MEIS2: variants seen among roughly 807,000 people sequenced by gnomAD.
MEIS2 encodes the protein Meis homeobox 2, also known as homeobox protein Meis2.
In MEIS2, 9 loss-of-function variants were observed where a neutral mutation model predicts 58.6. The observed-to-expected ratio is 0.15, with a 90% CI of 0.09 to 0.27. The LOEUF is 0.27. MEIS2 is among the 10% of genes least tolerant of loss of function. The pLI, the probability that MEIS2 is intolerant of heterozygous loss-of-function variation, is 1.00. For synonymous variants in MEIS2, 221 were observed against 228.4 expected, an observed-to-expected ratio of 0.97 and a Z score of 0.29; for missense variants, 427 against 635.0, an observed-to-expected ratio of 0.67 and a Z score of 3.52.
intron 8 of MEIS2, among the ~76,000 whole-genome samples, chr15:37,023,048 G>A (rs2061578329): frequency 6.6e-6 from 1 of 152,126 alleles, no homozygotes; most frequent in Admixed American, 6.5e-5. Flanking sequence ...ATTTTTGCTA[G>A]TTTAGTGTTT....
intron 8 of MEIS2, among the ~76,000 whole-genome samples, chr15:36,999,200 A>C (rs1440262527): frequency 7.9e-5 from 12 of 152,194 alleles, no homozygotes; most frequent in Non-Finnish European, 5.9e-5. Context: ...CATTATGCTC[A>C]CAAGGACATT....
chr15:37,013,616 CAT>C (rs894285046), intron 8 of MEIS2, among the ~76,000 whole-genome samples: 11 of 147,504 alleles, frequency 7.5e-5, no homozygotes, highest in African/African-American at 2.5e-4. Flanking sequence ...TAATATATTA[CAT>C]ATATATATAA....
At chr15:36,953,697 A>T (rs2058845753) in intron 8 of MEIS2, among the ~76,000 whole-genome samples, 1 of 152,228 alleles carries the variant, frequency 6.6e-6, no homozygotes, top group South Asian at 2.1e-4. Flanking sequence ...ATCAACTGAC[A>T]ACTGTTCAAA....
intron 3 of MEIS2, chr15:37,096,085 C>T: frequency 1.8e-6 from 1 of 553,994 alleles, no homozygotes; most frequent in Non-Finnish European, 3.1e-6. Flanking sequence ...TGTATTCCTG[C>T]TGGGGGGGAA....
chr15:37,032,921 T>G (rs2054440202), intron 8 of MEIS2, among the ~76,000 whole-genome samples: 1 of 152,168 alleles, frequency 6.6e-6, no homozygotes, highest in Non-Finnish European at 1.5e-5. Flanking sequence ...AAATGCCACT[T>G]TGGACTTTGT....
intron 9 of MEIS2, among the ~76,000 whole-genome samples, chr15:36,929,327 T>C (rs2057875869): frequency 6.6e-6 from 1 of 152,152 alleles, no homozygotes; most frequent in Non-Finnish European, 1.5e-5. Flanking sequence ...CCAATAAATA[T>C]CAGCTCTGGC....
chr15:36,930,202 TAA>T (rs370695754), intron 9 of MEIS2, among the ~76,000 whole-genome samples: 14 of 94,314 alleles, frequency 1.5e-4, no homozygotes, highest in Non-Finnish European at 1.5e-4. Context: ...GACTCAGTCT[TAA>T]AAAAAAAAAA....
chr15:36,934,476 G>A (rs567330676), intron 9 of MEIS2, among the ~76,000 whole-genome samples: 1 of 152,206 alleles, frequency 6.6e-6, no homozygotes, highest in East Asian at 1.9e-4. Flanking sequence ...TTCCCTTGGT[G>A]TACTAGCCTC....
intron 8 of MEIS2, among the ~76,000 whole-genome samples, chr15:36,965,372 G>T (rs2059320165): frequency 6.6e-6 from 1 of 152,148 alleles, no homozygotes; most frequent in Admixed American, 6.5e-5. Flanking sequence ...GAGGTCTACA[G>T]TTGCCATCAA....
chr15:36,938,482 G>A (rs762058136), intron 9 of MEIS2, among the ~76,000 whole-genome samples: 7 of 152,138 alleles, frequency 4.6e-5, no homozygotes, highest in African/African-American at 1.2e-4. Context: ...TTCTATTTTC[G>A]TCCCATGCTG....
At chr15:37,013,642 T>A (rs1428080777) in intron 8 of MEIS2, among the ~76,000 whole-genome samples, 1 of 149,364 alleles carries the variant, frequency 6.7e-6, no homozygotes, top group Non-Finnish European at 1.5e-5. Flanking sequence ...ATATATATAT[T>A]CTAGGAGGAA....
chr15:37,042,130 A>C (rs1390685690), intron 7 of MEIS2, among the ~76,000 whole-genome samples: 1 of 152,224 alleles, frequency 6.6e-6, no homozygotes, highest in Non-Finnish European at 1.5e-5. Flanking sequence ...TCGCCTGGGC[A>C]GCGGAGTAAG....
intron 8 of MEIS2, among the ~76,000 whole-genome samples, chr15:36,999,025 C>T (rs993667361): frequency 4.6e-5 from 7 of 152,220 alleles, no homozygotes; most frequent in African/African-American, 1.7e-4. Context: ...CTTTCTTCAT[C>T]TTCAGGTAGA....
At position 37,095,496 on chromosome 15, in the gene MEIS2, G is replaced by T; in HGVS notation, c.438+68C>A. 3 of 1,609,244 alleles carry T rather than the reference G, an allele frequency of 1.9e-6. No individual in the cohort carries two copies. In the South Asian group the frequency reaches 3.3e-5, roughly 18 times the overall value. On this transcript the variant is annotated intron_variant, in intron 4 of 11. Coordinates refer to ENST00000561208, the MANE Select transcript of MEIS2 (RefSeq NM_170675.5). The stretch of plus-strand genomic sequence containing the variant: ...GTTCTAACTCCCCAGAGCTCCAGCA[G>T]AAAGTGGGTGCTTCTGGGCATGGGA...
intron 8 of MEIS2, among the ~76,000 whole-genome samples, chr15:36,950,818 T>C (rs578085051): frequency 2.0e-4 from 31 of 152,252 alleles, no homozygotes; most frequent in African/African-American, 7.5e-4. Context: ...TGGCTCAATA[T>C]AATCATCCTT....
chr15:37,090,679 GCA>G (rs142616060), intron 6 of MEIS2, among the ~76,000 whole-genome samples: 3 of 151,536 alleles, frequency 2.0e-5, no homozygotes, highest in Non-Finnish European at 2.9e-5. Flanking sequence ...ACACGAGTAT[GCA>G]CACACACACA....
In MEIS2 at chr15:37,075,745, G is replaced by C. The variant is rs367616700; in HGVS notation, c.754+8026C>G. ...AAAGATGTTATAATAGAGGTAAAAA[G>C]TGCCATGGGAGTGCAGAGAAGGAGC... On this transcript the variant is annotated intron_variant, in intron 7 of 11. Coordinates refer to ENST00000561208, the MANE Select transcript of MEIS2 (RefSeq NM_170675.5). Among the ~76,000 whole-genome samples the C allele has an allele frequency of 4.1e-4, 62 of 152,110 alleles. 1 individual carries two copies. In the East Asian group the frequency reaches 8.1e-3, roughly 20 times the overall value.
At chr15:36,959,326 C>G (rs1301521427) in intron 8 of MEIS2, among the ~76,000 whole-genome samples, 1 of 152,144 alleles carries the variant, frequency 6.6e-6, no homozygotes, top group Non-Finnish European at 1.5e-5. Context: ...GCCACCCTAT[C>G]TTTCCCCGTT....
At chr15:36,912,665 T>C (rs1020531780) in intron 9 of MEIS2, among the ~76,000 whole-genome samples, 2 of 152,146 alleles carry the variant, frequency 1.3e-5, no homozygotes, top group African/African-American at 4.8e-5. Context: ...TCAAAGCATT[T>C]GGAGATTGCC....
Sources: gnomAD v4.1 joint callset for allele counts (sites outside exome capture counted in the v4.1 genomes callset) on GRCh38, gnomAD v4.1.1 for gene constraint, MANE v1.5 for transcripts, NCBI Gene and HGNC (gene_info 2026-07-23, HGNC 2026-07-21) for gene names.